PTER: variants seen among roughly 807,000 people sequenced by gnomAD.
PTER encodes the protein N-acetyltaurine hydrolase.
Under a neutral mutation model 29.6 loss-of-function variants are expected in PTER, and 38 were observed. The observed-to-expected ratio is 1.28, with a 90% CI of 0.99 to 1.68. The LOEUF is 1.68. PTER is among the 40% of genes most tolerant of loss of function. The pLI is 0.00. For missense variants in PTER, 482 were observed against 427.8 expected (o/e 1.13, Z -1.12); for synonymous variants, 172 against 154.5 (o/e 1.11, Z -0.84).
At chr10:16,474,019 C>T (rs930701964) in intron 1 of PTER, among the ~76,000 whole-genome samples, 1 of 152,166 alleles carries the variant, frequency 6.6e-6, no homozygotes, top group Non-Finnish European at 1.5e-5. Flanking sequence ...AGTTCGAGAC[C>T]AGCCTGGCCA....
chr10:16,500,458 C>T (rs1275085373), intron 3 of PTER, among the ~76,000 whole-genome samples: 1 of 151,908 alleles, frequency 6.6e-6, no homozygotes, highest in Non-Finnish European at 1.5e-5. Context: ...TGCTTTGTTT[C>T]CAAGGCTAGT....
At chr10:16,506,275 C>T (rs1056219419) in intron 4 of PTER, among the ~76,000 whole-genome samples, 2 of 152,070 alleles carry the variant, frequency 1.3e-5, no homozygotes, top group South Asian at 2.1e-4. Context: ...TTTCAAGAAG[C>T]GTGGCAGTGG....
chr10:16,497,857 C>CTTAAGAA (rs1480942511), intron 3 of PTER, among the ~76,000 whole-genome samples: 1 of 152,052 alleles, frequency 6.6e-6, no homozygotes, highest in Non-Finnish European at 1.5e-5. Context: ...TAGTACCAGC[C>CTTAAGAA]TTAAGAAACT....
In PTER at chr10:16,494,818, T is replaced by A. The variant is rs990164014; in HGVS notation, c.698+8201T>A. ...TTAATTAATTGAGATCAGTTAAATT[T>A]CTTCAATTAAGAATTTCTCAGCTCT... On this transcript the variant is annotated intron_variant, in intron 3 of 4. Coordinates refer to ENST00000535784, the MANE Select transcript of PTER (RefSeq NM_001261836.2). Among the ~76,000 whole-genome samples, 16 of 152,344 alleles carry A rather than the reference T, an allele frequency of 1.1e-4. No homozygotes were observed. In the East Asian group the frequency reaches 3.1e-3, roughly 29 times the overall value.
intron 4 of PTER, among the ~76,000 whole-genome samples, chr10:16,505,549 G>A (rs1836527883): frequency 6.6e-6 from 1 of 152,158 alleles, no homozygotes; most frequent in Admixed American, 6.5e-5. Flanking sequence ...AGTAATATTT[G>A]AAATGCTTTA....
intron 1 of PTER, among the ~76,000 whole-genome samples, chr10:16,449,129 C>T (rs1019110042): frequency 6.6e-6 from 1 of 152,186 alleles, no homozygotes; most frequent in Non-Finnish European, 1.5e-5. Flanking sequence ...TCTCTGCAGT[C>T]CCTCCAGGGA....
At chr10:16,459,063 A>G (rs1457767729) in intron 1 of PTER, among the ~76,000 whole-genome samples, 2 of 152,210 alleles carry the variant, frequency 1.3e-5, no homozygotes, top group African/African-American at 2.4e-5. Flanking sequence ...GAGATGACCT[A>G]TATTAGCATC....
At chr10:16,479,435 A>G (rs573813121) in intron 1 of PTER, among the ~76,000 whole-genome samples, 16 of 152,210 alleles carry the variant, frequency 1.1e-4, no homozygotes, top group African/African-American at 3.9e-4. Flanking sequence ...CAAAGAAGAT[A>G]TATTGCAGGT....
chr10:16,459,759 C>T (rs1185691328), intron 1 of PTER, among the ~76,000 whole-genome samples: 1 of 144,538 alleles, frequency 6.9e-6, no homozygotes, highest in African/African-American at 2.6e-5. Context: ...TATTTATTTA[C>T]TTATTTGAGA....
intron 2 of PTER, among the ~76,000 whole-genome samples, chr10:16,486,011 T>C (rs114600477): frequency 0.015 from 2,235 of 152,272 alleles, 75 homozygotes; most frequent in African/African-American, 0.051. Flanking sequence ...CTTTCTATAT[T>C]CTAGATGCTG....
At chr10:16,472,555 A>T (rs1588605172) in intron 1 of PTER, among the ~76,000 whole-genome samples, 1 of 152,148 alleles carries the variant, frequency 6.6e-6, no homozygotes, top group South Asian at 2.1e-4. Flanking sequence ...CATGATTGAG[A>T]GTCCTCCCCA....
At chr10:16,444,738 C>T (rs901436617) in intron 1 of PTER, among the ~76,000 whole-genome samples, 1 of 152,114 alleles carries the variant, frequency 6.6e-6, no homozygotes, top group Non-Finnish European at 1.5e-5. Flanking sequence ...TGTGAAGGCA[C>T]AGAAGGCCTC....
At position 16,511,275 on chromosome 10, in the gene PTER, C is replaced by G. The variant is rs745427783; in HGVS notation, c.*19C>G. 3 of 1,590,690 alleles carry G rather than the reference C, an allele frequency of 1.9e-6. No individual in the cohort carries two copies. The African/African-American group carries it at 4.2e-5, about 22-fold the overall frequency. ...CAAATAGGATGGTTGCTTATGAATT[C>G]ACACCTTGAGTATAAAACTTGCAGA... On this transcript the variant is annotated 3_prime_UTR_variant, in exon 5 of 5. Coordinates refer to ENST00000535784, the MANE Select transcript of PTER (RefSeq NM_001261836.2).
intron 2 of PTER, among the ~76,000 whole-genome samples, chr10:16,485,167 C>A (rs1026537948): frequency 1.3e-5 from 2 of 152,168 alleles, no homozygotes; most frequent in Non-Finnish European, 2.9e-5. Flanking sequence ...CTCACTTTTC[C>A]ATCTTAAGTT....
At chr10:16,505,396 A>T (rs998772858) in intron 4 of PTER, among the ~76,000 whole-genome samples, 1 of 152,200 alleles carries the variant, frequency 6.6e-6, no homozygotes, top group African/African-American at 2.4e-5. Context: ...TTCAGTGCAG[A>T]TGGGCAGCTG....
intron 3 of PTER, among the ~76,000 whole-genome samples, chr10:16,500,510 C>T (rs1480272865): frequency 6.6e-6 from 1 of 152,146 alleles, no homozygotes; most frequent in East Asian, 1.9e-4. Context: ...CCTTGGCTTC[C>T]CAAAGTGCTG....
chr10:16,452,194 T>TACACACACACACAC (rs375537112), intron 1 of PTER, among the ~76,000 whole-genome samples: 3,090 of 146,264 alleles, frequency 0.021, 47 homozygotes, highest in African/African-American at 0.046. Context: ...ACCAGTGGGA[T>TACACACACACACAC]ACACACACAC....
chr10:16,498,394 G>T (rs1478669715), intron 3 of PTER, among the ~76,000 whole-genome samples: 11 of 152,136 alleles, frequency 7.2e-5, no homozygotes, highest in Non-Finnish European at 1.6e-4. Context: ...GACCAGCCTG[G>T]CCAACATGGC....
chr10:16,493,625 G>T (rs940139435), intron 3 of PTER, among the ~76,000 whole-genome samples: 2 of 151,410 alleles, frequency 1.3e-5, no homozygotes, highest in Non-Finnish European at 2.9e-5. Flanking sequence ...CCCTGCCCTA[G>T]TTATTGTTTA....
Sources: allele counts gnomAD v4.1 joint callset (sites outside exome capture counted in the v4.1 genomes callset), GRCh38; gene constraint gnomAD v4.1.1; transcripts MANE v1.5; gene names NCBI Gene and HGNC (gene_info 2026-07-23, HGNC 2026-07-21).